ST8SIA4: variants seen among roughly 807,000 people sequenced by gnomAD.
The protein encoded by ST8SIA4 is ST8 alpha-N-acetyl-neuraminide alpha-2,8-sialyltransferase 4, also known as CMP-N-acetylneuraminate-poly-alpha-2,8-sialyltransferase.
A neutral mutation model predicts 33.9 loss-of-function variants in ST8SIA4; 15 were observed. The observed-to-expected ratio is 0.44, with a 90% CI of 0.30 to 0.68. The LOEUF is 0.68. Among genes scored for constraint, ST8SIA4 ranks in the 30% least tolerant of loss-of-function variants. The probability of loss-of-function intolerance (pLI) is 0.10; values close to 1 mark genes in which losing one functional copy is unlikely to be tolerated. For missense variants in ST8SIA4, 321 were observed against 428.0 expected (o/e 0.75, Z 2.21); for synonymous variants, 171 against 151.2 (o/e 1.13, Z -0.96).
rs1016293421 is a variant in ST8SIA4, at chr5:100,807,240, A to G, written c.*4607T>C. Reference sequence around the variant, plus strand: ...ATTAATTTATTTTACAATTTTACAAATGATAAAACAATAATACCCGGTTGC... The same window carrying G: ...ATTAATTTATTTTACAATTTTACAAGTGATAAAACAATAATACCCGGTTGC... On this transcript the variant is annotated 3_prime_UTR_variant, in exon 5 of 5. Coordinates refer to ENST00000231461, the MANE Select transcript of ST8SIA4 (RefSeq NM_005668.6). 6.6e-6 allele frequency: 1 copy of G among 152,548 alleles called. No homozygotes were observed. Among genetic ancestry groups the G allele is most frequent in the Admixed American group, 6.5e-5 (1 of 15,282 alleles). The allele number at this position is 152,548 out of a possible 1,614,324, so 9.4% of individuals were successfully genotyped here. A position where few individuals can be genotyped will look rare whatever the true frequency, so the allele number is the denominator to read the frequency against.
intron 4 of ST8SIA4, among the ~76,000 whole-genome samples, chr5:100,855,690 T>C (rs1213208202): frequency 1.3e-5 from 2 of 152,206 alleles, no homozygotes; most frequent in African/African-American, 4.8e-5. Context: ...CTAGGCCTCT[T>C]GGCTACAGAT....
intron 4 of ST8SIA4, among the ~76,000 whole-genome samples, chr5:100,815,212 T>C (rs545676355): frequency 6.6e-6 from 1 of 151,946 alleles, no homozygotes; most frequent in South Asian, 2.1e-4. Flanking sequence ...TGTAGAAAAT[T>C]TGAAGGAAAA....
At chr5:100,822,938 T>C (rs1380066616) in intron 4 of ST8SIA4, among the ~76,000 whole-genome samples, 1 of 152,124 alleles carries the variant, frequency 6.6e-6, no homozygotes, top group Non-Finnish European at 1.5e-5. Context: ...GAGATCATCC[T>C]GGCTAACACG....
chr5:100,827,025 C>T (rs1386836286), intron 4 of ST8SIA4, among the ~76,000 whole-genome samples: 1 of 151,484 alleles, frequency 6.6e-6, no homozygotes, highest in African/African-American at 2.4e-5. Flanking sequence ...GTTTTTGTTA[C>T]CACTTATTTG....
At chr5:100,894,874 A>G (rs928266434) in intron 2 of ST8SIA4, among the ~76,000 whole-genome samples, 1 of 152,100 alleles carries the variant, frequency 6.6e-6, no homozygotes, top group African/African-American at 2.4e-5. Flanking sequence ...ATTTTATTAT[A>G]TAACGAATGT....
At chr5:100,816,137 C>T (rs2548280) in intron 4 of ST8SIA4, among the ~76,000 whole-genome samples, 87,543 of 151,998 alleles carry the variant, frequency 0.58, 25,874 homozygotes, top group South Asian at 0.73. Flanking sequence ...CTTCTCTCTC[C>T]GTGAAATTGT....
chr5:100,814,417 A>T (rs1208870547), intron 4 of ST8SIA4, among the ~76,000 whole-genome samples: 1 of 152,026 alleles, frequency 6.6e-6, no homozygotes, highest in Admixed American at 6.6e-5. Flanking sequence ...ATTTTGTGAT[A>T]TTTGATTTGC....
intron 4 of ST8SIA4, among the ~76,000 whole-genome samples, chr5:100,853,726 T>G (rs1454583306): frequency 6.6e-6 from 1 of 152,202 alleles, no homozygotes; most frequent in Non-Finnish European, 1.5e-5. Flanking sequence ...AAAACCCATG[T>G]GTATTCACTG....
chr5:100,833,625 A>C (rs1049669262), intron 4 of ST8SIA4, among the ~76,000 whole-genome samples: 1 of 152,174 alleles, frequency 6.6e-6, no homozygotes, highest in Non-Finnish European at 1.5e-5. Flanking sequence ...TTGTTTACAT[A>C]GTGTGAAAAT....
intron 3 of ST8SIA4, among the ~76,000 whole-genome samples, chr5:100,881,481 A>G (rs568052470): frequency 2.0e-5 from 3 of 152,330 alleles, no homozygotes; most frequent in African/African-American, 7.2e-5. Flanking sequence ...CACACTACTT[A>G]ATATTACTAG....
intron 4 of ST8SIA4, among the ~76,000 whole-genome samples, chr5:100,834,110 A>T (rs1751316119): frequency 6.6e-6 from 1 of 152,186 alleles, no homozygotes; most frequent in Admixed American, 6.5e-5. Flanking sequence ...ATAAAATTCC[A>T]TCTAAATATA....
intron 4 of ST8SIA4, among the ~76,000 whole-genome samples, chr5:100,815,434 T>G (rs1750895259): frequency 6.6e-6 from 1 of 151,914 alleles, no homozygotes; most frequent in South Asian, 2.1e-4. Flanking sequence ...CCTTCCTTCC[T>G]TCCTTCCTTC....
intron 3 of ST8SIA4, among the ~76,000 whole-genome samples, chr5:100,876,909 C>T (rs550471743): frequency 2.6e-5 from 4 of 151,882 alleles, no homozygotes; most frequent in Admixed American, 2.0e-4. Context: ...TTGACCAGGA[C>T]TCTCATTTTT....
At chr5:100,900,264 A>G (rs897970061) in intron 1 of ST8SIA4, 1 of 359,710 alleles carries the variant, frequency 2.8e-6, no homozygotes, top group Non-Finnish European at 5.6e-6. Flanking sequence ...AACTGCTGCC[A>G]AGCCACAAGG....
intron 3 of ST8SIA4, among the ~76,000 whole-genome samples, chr5:100,861,323 C>G (rs1202762379): frequency 6.6e-6 from 1 of 152,000 alleles, no homozygotes; most frequent in Non-Finnish European, 1.5e-5. Flanking sequence ...TTCACAAACC[C>G]AGGTTCGTTA....
intron 4 of ST8SIA4, among the ~76,000 whole-genome samples, chr5:100,854,584 A>C (rs1418628695): frequency 2.0e-5 from 3 of 152,152 alleles, no homozygotes; most frequent in African/African-American, 7.2e-5. Flanking sequence ...CTCTGTCTCA[A>C]AAAACAAAAC....
chr5:100,862,438 G>A lies in ST8SIA4; in HGVS notation c.504-6042C>T, dbSNP rs192051913. On this transcript the variant is annotated intron_variant, in intron 3 of 4. Coordinates refer to ENST00000231461, the MANE Select transcript of ST8SIA4 (RefSeq NM_005668.6). ...TTTTGAGATGGAGTCTCACACTGTCGCCCTGGCTGGAGTGCAGTGGCGGGA... is the reference window on the plus strand; with the variant it reads ...TTTTGAGATGGAGTCTCACACTGTCACCCTGGCTGGAGTGCAGTGGCGGGA... Among the ~76,000 whole-genome samples, 583 of 151,870 alleles carry A rather than the reference G, an allele frequency of 3.8e-3. 3 individuals are homozygous for A. Among genetic ancestry groups the A allele is most frequent in the African/African-American group, 0.013 (527 of 41,402 alleles).
In ST8SIA4 at chr5:100,810,082, T is replaced by C. The variant is rs1750784363; in HGVS notation, c.*1765A>G. ...TTCCTCAAATTGCCTGCCCAAGAAA[T>C]AAGAAATCAAAGTACAAGTGAGAAT... On this transcript the variant is annotated 3_prime_UTR_variant, in exon 5 of 5. Coordinates refer to ENST00000231461, the MANE Select transcript of ST8SIA4 (RefSeq NM_005668.6). The C allele has an allele frequency of 6.6e-6, 1 of 152,106 alleles. No homozygotes were observed. Among genetic ancestry groups the C allele is most frequent in the Non-Finnish European group, 1.5e-5 (1 of 67,994 alleles). 9.4% of individuals were successfully genotyped at this position (152,106 alleles called of 1,614,324 possible).
At chr5:100,902,293 A>G (rs1752935760) in intron 1 of ST8SIA4, among the ~76,000 whole-genome samples, 1 of 152,230 alleles carries the variant, frequency 6.6e-6, no homozygotes, top group Non-Finnish European at 1.5e-5. Context: ...GTAGAAGAAC[A>G]AATAAGGAAG....
Sources: allele counts gnomAD v4.1 joint callset (sites outside exome capture counted in the v4.1 genomes callset), GRCh38; gene constraint gnomAD v4.1.1; transcripts MANE v1.5; gene names NCBI Gene and HGNC (gene_info 2026-07-23, HGNC 2026-07-21).